The following KCNIP4 variants were observed in gnomAD, a reference collection of about 807,000 sequenced individuals.
KCNIP4 encodes Kv channel-interacting protein 4.
A neutral mutation model predicts 34.0 loss-of-function variants in KCNIP4; 12 were observed. The ratio of observed to expected loss-of-function variants is 0.35; its 90% CI spans 0.23 to 0.57. The LOEUF is 0.57. Ranked by LOEUF, KCNIP4 falls within the 20% of genes least tolerant of loss-of-function variation. The probability of loss-of-function intolerance (pLI) is 0.83; values close to 1 mark genes in which losing one functional copy is unlikely to be tolerated. For missense variants in KCNIP4, 238 were observed against 311.7 expected (o/e 0.76, Z 1.78); for synonymous variants, 124 against 102.2 (o/e 1.21, Z -1.29).
chr4:21,923,618 C>T (rs1165359053), intron 1 of KCNIP4, among the ~76,000 whole-genome samples: 2 of 151,830 alleles, frequency 1.3e-5, no homozygotes, highest in Non-Finnish European at 2.9e-5. Flanking sequence ...TTCCTTCTTG[C>T]TTCTAATATT....
chr4:20,935,034 G>A (rs763577615), intron 1 of KCNIP4, among the ~76,000 whole-genome samples: 228 of 152,230 alleles, frequency 1.5e-3, no homozygotes, highest in Non-Finnish European at 2.5e-3. Context: ...TCCTGTGTAT[G>A]TCCACCTTTC....
intron 3 of KCNIP4, among the ~76,000 whole-genome samples, chr4:20,818,226 T>C (rs909748439): frequency 2.0e-5 from 3 of 152,132 alleles, no homozygotes; most frequent in Admixed American, 6.6e-5. Flanking sequence ...GCTAAGTAAA[T>C]GTTGAAACTA....
intron 1 of KCNIP4, among the ~76,000 whole-genome samples, chr4:21,350,998 A>G (rs999687742): frequency 2.0e-5 from 3 of 152,208 alleles, no homozygotes; most frequent in Non-Finnish European, 4.4e-5. Context: ...GGTGATTTAA[A>G]GGATTTTCAA....
At chr4:21,320,843 T>A (rs1714302477) in intron 1 of KCNIP4, among the ~76,000 whole-genome samples, 1 of 151,922 alleles carries the variant, frequency 6.6e-6, no homozygotes, top group African/African-American at 2.4e-5. Flanking sequence ...TGGTGGTACG[T>A]GCCTGTAATC....
intron 1 of KCNIP4, among the ~76,000 whole-genome samples, chr4:21,633,523 T>C (rs992121020): frequency 6.6e-6 from 1 of 152,176 alleles, no homozygotes; most frequent in African/African-American, 2.4e-5. Flanking sequence ...ATAGCCAACC[T>C]GAACATCCAC....
At chr4:21,545,415 TG>T (rs1738060299) in intron 1 of KCNIP4, among the ~76,000 whole-genome samples, 1 of 152,164 alleles carries the variant, frequency 6.6e-6, no homozygotes. Flanking sequence ...CTTTAAGTTC[TG>T]GGTTACATGT....
chr4:20,832,055 T>C (rs1203833040), intron 3 of KCNIP4, among the ~76,000 whole-genome samples: 1 of 152,184 alleles, frequency 6.6e-6, no homozygotes, highest in African/African-American at 2.4e-5. Flanking sequence ...AAATAGTTTG[T>C]TACTTTTTTT....
intron 1 of KCNIP4, among the ~76,000 whole-genome samples, chr4:21,018,376 T>A (rs755506097): frequency 6.6e-6 from 1 of 152,206 alleles, no homozygotes; most frequent in Non-Finnish European, 1.5e-5. Flanking sequence ...GAAGGTGAGA[T>A]GTCCATGAGA....
At chr4:21,842,993 C>T (rs550749972) in intron 1 of KCNIP4, among the ~76,000 whole-genome samples, 3 of 151,984 alleles carry the variant, frequency 2.0e-5, no homozygotes, top group Non-Finnish European at 4.4e-5. Context: ...ATTAGTGTTT[C>T]ATACCTACAT....
chr4:21,359,596 T>C (rs1162026592), intron 1 of KCNIP4, among the ~76,000 whole-genome samples: 2 of 152,116 alleles, frequency 1.3e-5, no homozygotes, highest in Non-Finnish European at 2.9e-5. Context: ...TAAAAATAAA[T>C]CAGGAAAATA....
intron 1 of KCNIP4, among the ~76,000 whole-genome samples, chr4:21,265,742 A>T (rs112489187): frequency 0.016 from 2,411 of 152,304 alleles, 55 homozygotes; most frequent in African/African-American, 0.053. Context: ...GCCAGTCTTC[A>T]CCTATTTGAT....
At chr4:21,846,015 T>A (rs79974185) in intron 1 of KCNIP4, 1 of 152,122 alleles carries the variant, frequency 6.6e-6, no homozygotes, top group Non-Finnish European at 1.5e-5. Context: ...GCTAAAAGAT[T>A]TGATCAGCTA....
At chr4:21,697,727 A>T in intron 1 of KCNIP4, 1 of 1,156,972 alleles carries the variant, frequency 8.6e-7, no homozygotes, top group Non-Finnish European at 1.1e-6. Flanking sequence ...TCACACTTGT[A>T]GTAACCCAGC....
At chr4:20,969,964 C>A (rs1194695763) in intron 1 of KCNIP4, among the ~76,000 whole-genome samples, 1 of 146,392 alleles carries the variant, frequency 6.8e-6, no homozygotes, top group Non-Finnish European at 1.5e-5. Context: ...TTTTTTGAGA[C>A]GGATTCTTGC....
At chr4:20,899,691 A>G (rs1278405608) in intron 1 of KCNIP4, among the ~76,000 whole-genome samples, 2 of 152,218 alleles carry the variant, frequency 1.3e-5, no homozygotes, top group Non-Finnish European at 2.9e-5. Context: ...CAAGAATTTC[A>G]TAACTTCAAA....
rs1039124278 is a variant in KCNIP4 at position 21,355,448 on chromosome 4, A to G, written c.62-472739T>C. 6.6e-5 allele frequency among the ~76,000 whole-genome samples: 10 copies of G among 152,198 alleles called. 1 individual carries two copies. Among genetic ancestry groups the G allele is most frequent in the Non-Finnish European group, 2.9e-5 (2 of 68,032 alleles). ...AAAGAGAGAAGAATCAAATAGACGCAATAAAAAATGATAAAGGGGATATCA... is the reference window on the plus strand; with the variant it reads ...AAAGAGAGAAGAATCAAATAGACGCGATAAAAAATGATAAAGGGGATATCA... On this transcript the variant is annotated intron_variant, in intron 1 of 8. Transcript: ENST00000382152.
intron 1 of KCNIP4, among the ~76,000 whole-genome samples, chr4:21,236,165 G>C (rs545873196): frequency 5.9e-5 from 9 of 151,878 alleles, no homozygotes; most frequent in Non-Finnish European, 1.3e-4. Flanking sequence ...ATAAAAAATG[G>C]CTTTATCAGT....
intron 1 of KCNIP4, among the ~76,000 whole-genome samples, chr4:21,654,162 A>T (rs1747730893): frequency 6.6e-6 from 1 of 152,246 alleles, no homozygotes; most frequent in South Asian, 2.1e-4. Context: ...CATTCACACA[A>T]GAAGCAGTCA....
intron 1 of KCNIP4, among the ~76,000 whole-genome samples, chr4:21,027,478 A>T (rs189721663): frequency 1.1e-3 from 167 of 152,006 alleles, no homozygotes; most frequent in African/African-American, 3.6e-3. Context: ...GAAGGAGACG[A>T]GGCCACAGAA....
Sources: gnomAD v4.1 joint callset for allele counts (sites outside exome capture counted in the v4.1 genomes callset) on GRCh38, gnomAD v4.1.1 for gene constraint, MANE v1.5 for transcripts, NCBI Gene and HGNC (gene_info 2026-07-23, HGNC 2026-07-21) for gene names.